The following RNF144B variants were observed in gnomAD, a reference collection of about 807,000 sequenced individuals.
The protein encoded by RNF144B is E3 ubiquitin-protein ligase RNF144B.
A neutral mutation model predicts 40.2 loss-of-function variants in RNF144B; 25 were observed. The ratio of observed to expected loss-of-function variants is 0.62; its 90% CI spans 0.45 to 0.87. The LOEUF (loss-of-function observed/expected upper bound fraction) is 0.87, where lower values mean the gene tolerates loss of function less well. RNF144B is among the 40% of genes least tolerant of loss of function. The pLI is 0.00. For missense variants in RNF144B, 365 were observed against 373.7 expected, an observed-to-expected ratio of 0.98 and a Z score of 0.19; for synonymous variants, 145 against 136.3, an observed-to-expected ratio of 1.06 and a Z score of -0.44.
chr6:18,428,230 C>T (rs947882468), intron 3 of RNF144B, among the ~76,000 whole-genome samples: 1 of 152,128 alleles, frequency 6.6e-6, no homozygotes, highest in African/African-American at 2.4e-5. Context: ...TTTCTGAGAC[C>T]TTCCCAGGTC....
chr6:18,457,214 C>G lies in RNF144B; in HGVS notation c.391C>G (p.Pro131Ala), dbSNP rs777638528. Reference protein sequence around the residue: ...CPVADCQTVCPVASSDPGQPV... With the variant: ...CPVADCQTVCAVASSDPGQPV... ...TGTTGCAGACTGTCAGACAGTGTGC[C>G]CTGTTGCCTCGAGTGACCCAGGACA... Residue 131 changes from proline (P) to alanine (A), a missense_variant, in exon 5 of 8, where the codon CCT (proline) becomes GCT (alanine). Coordinates refer to ENST00000259939, the MANE Select transcript of RNF144B (RefSeq NM_182757.4). This position sits in a 1 kb window ranked among gnomAD's most constrained non-coding sequence, Gnocchi z 5.1. 1 of 1,614,070 alleles carries G rather than the reference C, an allele frequency of 6.2e-7. No individual in the cohort carries two copies. The highest frequency in any genetic ancestry group is 8.5e-7 in the Non-Finnish European group (1 of 1,179,988).
At chr6:18,417,373 G>A (rs1170970077) in intron 2 of RNF144B, among the ~76,000 whole-genome samples, 1 of 152,120 alleles carries the variant, frequency 6.6e-6, no homozygotes, top group Non-Finnish European at 1.5e-5. Flanking sequence ...CATGAGGATG[G>A]ACAGATAGAT....
intron 4 of RNF144B, among the ~76,000 whole-genome samples, chr6:18,449,188 A>G (rs1188467698): frequency 6.6e-6 from 1 of 152,230 alleles, no homozygotes; most frequent in Non-Finnish European, 1.5e-5. Flanking sequence ...ACATGTGAGA[A>G]TCTCATTTAC....
At position 18,447,439 on chromosome 6, in the gene RNF144B, G is replaced by T. The variant is rs910475045; in HGVS notation, c.331+7695G>T. On this transcript the variant is annotated intron_variant, in intron 4 of 7. Transcript: ENST00000259939. This position sits in a 1 kb window ranked among gnomAD's most constrained non-coding sequence, Gnocchi z 5.6. ...TGATCCCATAGATTATGAAGATGAA[G>T]TCTTAGTGGGATGAGAAGCCATTGG... Among the ~76,000 whole-genome samples the T allele has an allele frequency of 6.6e-6, 1 of 152,058 alleles. No homozygotes were observed. Among genetic ancestry groups the T allele is most frequent in the Non-Finnish European group, 1.5e-5 (1 of 68,002 alleles).
chr6:18,450,425 G>A lies in RNF144B; in HGVS notation c.332-6730G>A, dbSNP rs775018869. ...TGATTCTCCTGCCTCAGCCTCCCGA[G>A]TAGCTGGGATTACACGTGTGTGCCA... On this transcript the variant is annotated intron_variant, in intron 4 of 7. Coordinates refer to ENST00000259939, the MANE Select transcript of RNF144B (RefSeq NM_182757.4). This position sits in a 1 kb window ranked among gnomAD's most constrained non-coding sequence, Gnocchi z 4.7. 6.6e-6 allele frequency among the ~76,000 whole-genome samples: 1 copy of A among 152,036 alleles called. No individual in the cohort carries two copies. Among genetic ancestry groups the A allele is most frequent in the Non-Finnish European group, 1.5e-5 (1 of 68,016 alleles).
In RNF144B at chr6:18,435,136, A is replaced by T. The variant is rs56791864; in HGVS notation, c.271-4548A>T. Among the ~76,000 whole-genome samples, 12 of 152,322 alleles carry T rather than the reference A, an allele frequency of 7.9e-5. No individual in the cohort carries two copies. In the South Asian group the frequency reaches 2.5e-3, roughly 32 times the overall value. On this transcript the variant is annotated intron_variant, in intron 3 of 7. Transcript: ENST00000259939. ...AAGAGTTTCTAGAATGATCATGAGGACCAAAAGTTGTCTTTTGTGCTTGGA... is the reference window on the plus strand; with the variant it reads ...AAGAGTTTCTAGAATGATCATGAGGTCCAAAAGTTGTCTTTTGTGCTTGGA...
rs1356136690 is a variant in RNF144B at position 18,387,438 on chromosome 6, C to T, written c.-229C>T. ...AGGCGGTCGGGGACTCCGCCTCCTC[C>T]CGACCCGTAGGTCTGGGAGCGCAAG... On this transcript the variant is annotated 5_prime_UTR_variant, in exon 1 of 8. Coordinates refer to ENST00000259939, the MANE Select transcript of RNF144B (RefSeq NM_182757.4). The T allele has an allele frequency of 6.6e-6, 8 of 1,208,932 alleles. No individual in the cohort carries two copies. The highest frequency in any genetic ancestry group is 4.8e-5 in the African/African-American group (3 of 62,832). The allele number at this position is 1,208,932 out of a possible 1,614,324, so 74.9% of individuals were successfully genotyped here. A position where few individuals can be genotyped will look rare whatever the true frequency, so the allele number is the denominator to read the frequency against.
intron 4 of RNF144B, among the ~76,000 whole-genome samples, chr6:18,451,260 GC>G (rs1243997231): frequency 2.6e-5 from 4 of 152,042 alleles, no homozygotes; most frequent in Non-Finnish European, 4.4e-5. Context: ...ATCTCCATGT[GC>G]CCAGGGTCTC....
Position 18,460,899 on chromosome 6 carries a change from T to G in RNF144B, c.681+1148T>G, listed in dbSNP as rs1759437787. On this transcript the variant is annotated intron_variant, in intron 6 of 7. Transcript: ENST00000259939. The surrounding 1 kb of genome is among the most constrained non-coding windows in gnomAD (Gnocchi z 4.4). Reference sequence around the variant, plus strand: ...GTTGTTTATAGATAACACTCTGTTTTGGCAATTTGGACCTCTAAAATATGT... The same window carrying G: ...GTTGTTTATAGATAACACTCTGTTTGGGCAATTTGGACCTCTAAAATATGT... Among the ~76,000 whole-genome samples the G allele has an allele frequency of 6.6e-6, 1 of 152,232 alleles. No homozygotes were observed. The highest frequency in any genetic ancestry group is 1.5e-5 in the Non-Finnish European group (1 of 68,036).
At chr6:18,401,370 A>G (rs1024989007) in intron 2 of RNF144B, among the ~76,000 whole-genome samples, 2 of 152,196 alleles carry the variant, frequency 1.3e-5, no homozygotes, top group African/African-American at 2.4e-5. Flanking sequence ...TTTTTCAGTC[A>G]TCTAGATTCA....
Position 18,441,438 on chromosome 6 carries a change from T to G in RNF144B, c.331+1694T>G, listed in dbSNP as rs1239766591. On this transcript the variant is annotated intron_variant, in intron 4 of 7. Transcript: ENST00000259939. This position sits in a 1 kb window ranked among gnomAD's most constrained non-coding sequence, Gnocchi z 4.9. ...GGAGCTCAGTCTATTTACAGTATTCTCATGCCTCCATCAGCACTTCTCCTC... is the reference window on the plus strand; with the variant it reads ...GGAGCTCAGTCTATTTACAGTATTCGCATGCCTCCATCAGCACTTCTCCTC... Among the ~76,000 whole-genome samples the G allele has an allele frequency of 6.6e-6, 1 of 152,166 alleles. No homozygotes were observed. Among genetic ancestry groups the G allele is most frequent in the African/African-American group, 2.4e-5 (1 of 41,450 alleles).
chr6:18,422,808 AAT>A lies in RNF144B; in HGVS notation c.166-4771_166-4770del, dbSNP rs1034642683. ...TAGACCCAATTTCAATCAATCAATC[AAT>A]AGTCGAGTGTAGTGGCAGGCATCTG... On this transcript the variant is annotated intron_variant, in intron 2 of 7. Coordinates refer to ENST00000259939, the MANE Select transcript of RNF144B (RefSeq NM_182757.4). The surrounding 1 kb of genome is among the most constrained non-coding windows in gnomAD (Gnocchi z 4.7). 3.3e-5 allele frequency among the ~76,000 whole-genome samples: 5 copies of A among 152,036 alleles called. No individual in the cohort carries two copies. Among genetic ancestry groups the A allele is most frequent in the African/African-American group, 1.2e-4 (5 of 41,414 alleles).
intron 4 of RNF144B, among the ~76,000 whole-genome samples, chr6:18,454,512 G>A (rs1013047836): frequency 6.6e-6 from 1 of 152,142 alleles, no homozygotes; most frequent in Non-Finnish European, 1.5e-5. Context: ...TTCTAATGAA[G>A]GAAATGTGTA....
chr6:18,388,141 CTGTAAGTCT>C (rs1487835677), intron 1 of RNF144B, among the ~76,000 whole-genome samples: 2 of 152,142 alleles, frequency 1.3e-5, no homozygotes, highest in Non-Finnish European at 2.9e-5. Flanking sequence ...AAGGATCCTG[CTGTAAGTCT>C]ACTCCTCATG....
chr6:18,409,561 CTTTT>C (rs70974741), intron 2 of RNF144B, among the ~76,000 whole-genome samples: 1 of 93,260 alleles, frequency 1.1e-5, no homozygotes, highest in Non-Finnish European at 2.0e-5. Flanking sequence ...CTTGCATAAC[CTTTT>C]TTTTTTTTTT....
At position 18,467,243 on chromosome 6, in the gene RNF144B, G is replaced by A. The variant is rs1759588864; in HGVS notation, c.*2176G>A. 1 of 152,498 alleles carries A rather than the reference G, an allele frequency of 6.6e-6. No individual in the cohort carries two copies. The highest frequency in any genetic ancestry group is 2.4e-5 in the African/African-American group (1 of 41,404). The allele number at this position is 152,498 out of a possible 1,614,324, so 9.4% of individuals were successfully genotyped here. On this transcript the variant is annotated 3_prime_UTR_variant, in exon 8 of 8. Transcript: ENST00000259939. ...TTGGTGCTGCAAAGAGTCTTTAAATGGGGGCTGATTTCAAGTAACCTAAAA... is the reference window on the plus strand; with the variant it reads ...TTGGTGCTGCAAAGAGTCTTTAAATAGGGGCTGATTTCAAGTAACCTAAAA...
chr6:18,409,510 C>G (rs910128952), intron 2 of RNF144B, among the ~76,000 whole-genome samples: 2 of 151,024 alleles, frequency 1.3e-5, no homozygotes, highest in African/African-American at 2.4e-5. Flanking sequence ...TGCCCTCCCC[C>G]ACCCTCTTGG....
chr6:18,394,929 C>T (rs972311126), intron 1 of RNF144B, among the ~76,000 whole-genome samples: 1 of 152,152 alleles, frequency 6.6e-6, no homozygotes, highest in Non-Finnish European at 1.5e-5. Flanking sequence ...TCCTTCCTTA[C>T]ATGGCCCAAC....
chr6:18,433,573 C>T lies in RNF144B; in HGVS notation c.270+5888C>T, dbSNP rs1329649190. Reference sequence around the variant, plus strand: ...TATGACTGAGTGGAGGGAGAAAAGACGGGATGATATATGGAAAGATGATCT... The same window carrying T: ...TATGACTGAGTGGAGGGAGAAAAGATGGGATGATATATGGAAAGATGATCT... On this transcript the variant is annotated intron_variant, in intron 3 of 7. Transcript: ENST00000259939. 3.3e-5 allele frequency among the ~76,000 whole-genome samples: 5 copies of T among 152,008 alleles called. 1 individual carries two copies. The highest frequency in any genetic ancestry group is 4.1e-4 in the South Asian group (2 of 4,826).
Sources: allele counts gnomAD v4.1 joint callset (sites outside exome capture counted in the v4.1 genomes callset), GRCh38; gene constraint gnomAD v4.1.1; non-coding constraint Gnocchi (gnomAD v3.1); transcripts MANE v1.5; gene names NCBI Gene and HGNC (gene_info 2026-07-23, HGNC 2026-07-21).